TAF15: variants seen among roughly 807,000 people sequenced by gnomAD.
The protein encoded by TAF15 is TATA-binding protein-associated factor 2N.
A neutral mutation model predicts 102.5 loss-of-function variants in TAF15; 37 were observed. That is an observed-to-expected ratio of 0.36 (90% confidence interval 0.28 to 0.47). The LOEUF (loss-of-function observed/expected upper bound fraction) is 0.47, where lower values mean the gene tolerates loss of function less well. Ranked by LOEUF, TAF15 falls within the 20% of genes least tolerant of loss-of-function variation. The pLI, the probability that TAF15 is intolerant of heterozygous loss-of-function variation, is 0.99. For missense variants in TAF15, 652 were observed against 760.7 expected, an observed-to-expected ratio of 0.86 and a Z score of 1.68; for synonymous variants, 273 against 259.2, an observed-to-expected ratio of 1.05 and a Z score of -0.51.
At chr17:35,845,326 T>C (rs960545424) in intron 15 of TAF15, among the ~76,000 whole-genome samples, 1 of 152,132 alleles carries the variant, frequency 6.6e-6, no homozygotes, top group Non-Finnish European at 1.5e-5. Flanking sequence ...ATGATCATAG[T>C]TCATTGTAAC....
At chr17:35,813,448 A>G (rs1358170212) in intron 1 of TAF15, among the ~76,000 whole-genome samples, 1 of 152,124 alleles carries the variant, frequency 6.6e-6, no homozygotes, top group African/African-American at 2.4e-5. Context: ...AGCCTGGGCA[A>G]CGTGATGAAA....
At chr17:35,815,226 T>G (rs2143742970) in intron 1 of TAF15, among the ~76,000 whole-genome samples, 1 of 152,290 alleles carries the variant, frequency 6.6e-6, no homozygotes, top group South Asian at 2.1e-4. Flanking sequence ...GAATCAAAAC[T>G]ATACACTTGG....
intron 1 of TAF15, chr17:35,817,378 T>G (rs1054260263): frequency 3.8e-5 from 11 of 287,890 alleles, no homozygotes; most frequent in Non-Finnish European, 5.9e-5. Flanking sequence ...TTCCCCTTTT[T>G]GGACCTGATT....
chr17:35,831,037 TG>T (rs1293884680), intron 7 of TAF15, among the ~76,000 whole-genome samples: 5 of 152,198 alleles, frequency 3.3e-5, no homozygotes, highest in Non-Finnish European at 5.9e-5. Context: ...CAGTGTACTA[TG>T]GTATTTCCAA....
At chr17:35,842,565 A>G (rs1053992420) in intron 12 of TAF15, 106 bp downstream of exon 12, 1 of 877,534 alleles carries the variant, frequency 1.1e-6, no homozygotes, top group African/African-American at 1.7e-5. Flanking sequence ...TTCTCTCGCT[A>G]GGTCTTTTTC....
At chr17:35,821,747 G>A (rs2087260433) in intron 5 of TAF15, among the ~76,000 whole-genome samples, 1 of 152,058 alleles carries the variant, frequency 6.6e-6, no homozygotes, top group African/African-American at 2.4e-5. Context: ...GCTAGAATAA[G>A]CAGTCTCATT....
At chr17:35,846,211 C>G (rs1346547151) in intron 15 of TAF15, among the ~76,000 whole-genome samples, 1 of 152,178 alleles carries the variant, frequency 6.6e-6, no homozygotes, top group Non-Finnish European at 1.5e-5. Flanking sequence ...CTAACTCTAC[C>G]ACTTATTAGC....
intron 7 of TAF15, among the ~76,000 whole-genome samples, chr17:35,827,178 A>C (rs1456929396): frequency 6.6e-6 from 1 of 151,858 alleles, no homozygotes; most frequent in Non-Finnish European, 1.5e-5. Flanking sequence ...CACTAAAACT[A>C]CAAAAAAATT....
At chr17:35,846,619 T>C (rs1411292058) in intron 15 of TAF15, among the ~76,000 whole-genome samples, 1 of 152,250 alleles carries the variant, frequency 6.6e-6, no homozygotes, top group African/African-American at 2.4e-5. Flanking sequence ...TTTAGAGTGC[T>C]GGAACTGGGA....
intron 8 of TAF15, among the ~76,000 whole-genome samples, 157 bp downstream of exon 8, chr17:35,834,098 C>CAT (rs1196039509): frequency 7.9e-5 from 12 of 151,416 alleles, no homozygotes; most frequent in African/African-American, 2.2e-4. Flanking sequence ...TATATATACA[C>CAT]ATATATATAT....
rs541142177 is a variant in TAF15 at position 35,845,546 on chromosome 17, G to A, written c.1739+508G>A. Among the ~76,000 whole-genome samples, 130 of 152,294 alleles carry A rather than the reference G, an allele frequency of 8.5e-4. 1 individual carries two copies. The Middle Eastern group carries it at 0.02, about 24-fold the overall frequency. ...GTTTGGATTACAGATGTGAGCCACA[G>A]CACCTGCTGGAAATTCTTTGCAGTG... On this transcript the variant is annotated intron_variant, in intron 15 of 15. Coordinates refer to ENST00000605844, the MANE Select transcript of TAF15 (RefSeq NM_139215.3).
intron 7 of TAF15, chr17:35,830,136 T>C (rs2087384373): frequency 6.6e-6 from 1 of 150,834 alleles, no homozygotes; most frequent in Non-Finnish European, 1.5e-5. Flanking sequence ...GTGAAACTCT[T>C]GTCTCAGAAA....
intron 7 of TAF15, among the ~76,000 whole-genome samples, chr17:35,826,995 A>G (rs1170433891): frequency 6.6e-6 from 1 of 150,746 alleles, no homozygotes; most frequent in Non-Finnish European, 1.5e-5. Flanking sequence ...CTGTTTTAAG[A>G]TTTTTTTTTC....
chr17:35,816,178 G>A (rs1379571863), intron 1 of TAF15, among the ~76,000 whole-genome samples: 1 of 152,158 alleles, frequency 6.6e-6, no homozygotes, highest in Non-Finnish European at 1.5e-5. Flanking sequence ...TCTAATTGGA[G>A]AGCTTTACTG....
intron 11 of TAF15, among the ~76,000 whole-genome samples, chr17:35,840,555 T>C (rs1338272025): frequency 6.7e-6 from 1 of 150,310 alleles, no homozygotes; most frequent in Non-Finnish European, 1.5e-5. Flanking sequence ...CTGGGCCAGC[T>C]CTTTTACTTC....
In TAF15 at chr17:35,838,498, A is replaced by G; in HGVS notation, c.858A>G (p.Ala286=). The G allele has an allele frequency of 6.2e-7, 1 of 1,614,226 alleles. No homozygotes were observed. The highest frequency in any genetic ancestry group is 8.5e-7 in the Non-Finnish European group (1 of 1,180,042). ...DKDTGKPKGE[A]TVSFDDPPSA... is the part of the protein sequence containing the mutation. ...ACACAGGAAAGCCAAAGGGGGAGGC[A>G]ACAGTGTCATTTGATGACCCTCCTT... Residue 286 remains alanine (A), a synonymous_variant, in exon 11 of 16, where the codon GCA becomes GCG. Coordinates refer to ENST00000605844, the MANE Select transcript of TAF15 (RefSeq NM_139215.3).
chr17:35,837,813 C>T (rs915304907), intron 10 of TAF15, among the ~76,000 whole-genome samples: 4 of 151,806 alleles, frequency 2.6e-5, no homozygotes, highest in African/African-American at 9.7e-5. Flanking sequence ...GGCAACAGAG[C>T]GAGACTCCAC....
At chr17:35,821,147 T>C (rs1041737355) in intron 5 of TAF15, among the ~76,000 whole-genome samples, 3 of 152,188 alleles carry the variant, frequency 2.0e-5, no homozygotes, top group African/African-American at 7.2e-5. Flanking sequence ...AACTGAGGTC[T>C]CTAGTGTTTT....
In TAF15 at chr17:35,844,766, C is replaced by T. The variant is rs1412726851; in HGVS notation, c.1467C>T (p.Asp489=). Residue 489 remains aspartate (D), a synonymous_variant, in exon 15 of 16, where the codon GAC becomes GAT. Coordinates refer to ENST00000605844, the MANE Select transcript of TAF15 (RefSeq NM_139215.3). ...GAGATCGAGGTGGCTATGGAGGAGA[C>T]CGAGGTGGAGGCTATGGTGGAGACC... ...YGGDRGGYGG[D]RGGGYGGDRG... 8 of 1,602,616 alleles carry T rather than the reference C, an allele frequency of 5.0e-6. No homozygotes were observed. Among genetic ancestry groups the T allele is most frequent in the Middle Eastern group, 1.7e-4 (1 of 5,750 alleles).
Sources: gnomAD v4.1 joint callset for allele counts (sites outside exome capture counted in the v4.1 genomes callset) on GRCh38, gnomAD v4.1.1 for gene constraint, MANE v1.5 for transcripts, NCBI Gene and HGNC (gene_info 2026-07-23, HGNC 2026-07-21) for gene names.